Variants in MYO1D observed in about 807,000 individuals in gnomAD.
The protein encoded by MYO1D is myosin ID.
In MYO1D, 83 loss-of-function variants were observed where a neutral mutation model predicts 122.0. The observed-to-expected ratio is 0.68, with a 90% CI of 0.57 to 0.82. MYO1D has a LOEUF of 0.82. MYO1D is among the 40% of genes least tolerant of loss of function. The probability of loss-of-function intolerance (pLI) is 0.00; values close to 1 mark genes in which losing one functional copy is unlikely to be tolerated. For missense variants in MYO1D, 1,157 were observed against 1,269.5 expected (o/e 0.91, Z 1.35); for synonymous variants, 464 against 446.9 (o/e 1.04, Z -0.48).
intron 1 of MYO1D, among the ~76,000 whole-genome samples, chr17:32,802,531 G>C (rs987193849): frequency 4.6e-5 from 7 of 151,894 alleles, no homozygotes; most frequent in African/African-American, 1.7e-4. Flanking sequence ...AATCACTTAG[G>C]GAAGAAAAAT....
chr17:32,507,242 A>AAC (rs1371399710), intron 21 of MYO1D, among the ~76,000 whole-genome samples: 1 of 148,192 alleles, frequency 6.7e-6, no homozygotes, highest in African/African-American at 2.7e-5. Flanking sequence ...CTTTACAAAA[A>AAC]ATAAAAAAAA....
chr17:32,557,718 A>G (rs2087081000), intron 21 of MYO1D, among the ~76,000 whole-genome samples: 1 of 152,016 alleles, frequency 6.6e-6, no homozygotes, highest in Non-Finnish European at 1.5e-5. Context: ...AAGTCTTTCT[A>G]TAAGAGGAAA....
chr17:32,540,067 C>G (rs1471267199), intron 21 of MYO1D, among the ~76,000 whole-genome samples: 1 of 151,970 alleles, frequency 6.6e-6, no homozygotes, highest in Non-Finnish European at 1.5e-5. Context: ...GAAAAGAGGC[C>G]GGACACAGTG....
chr17:32,523,840 C>T (rs972314658), intron 21 of MYO1D, among the ~76,000 whole-genome samples: 16 of 150,004 alleles, frequency 1.1e-4, no homozygotes, highest in South Asian at 2.1e-4. Flanking sequence ...TGAGAGTGGT[C>T]GGGGCAAATC....
At chr17:32,496,865 G>A (rs189977120) in intron 21 of MYO1D, 1 of 152,456 alleles carries the variant, frequency 6.6e-6, no homozygotes, top group Admixed American at 6.5e-5. Context: ...TGGTGACTCA[G>A]TCTGAGGGAA....
At chr17:32,713,693 T>G (rs1404249578) in intron 15 of MYO1D, among the ~76,000 whole-genome samples, 1 of 152,160 alleles carries the variant, frequency 6.6e-6, no homozygotes, top group Non-Finnish European at 1.5e-5. Flanking sequence ...AGTGGTGCGA[T>G]CTCAGCTCAC....
intron 13 of MYO1D, 140 bp downstream of exon 13, chr17:32,745,071 T>A (rs1217987782): frequency 1.7e-6 from 1 of 593,774 alleles, no homozygotes; most frequent in East Asian, 3.2e-5. Flanking sequence ...GTTAGTTATA[T>A]GCTATTTATT....
chr17:32,737,073 A>C (rs998139354), intron 14 of MYO1D, among the ~76,000 whole-genome samples: 1 of 152,344 alleles, frequency 6.6e-6, no homozygotes, highest in Admixed American at 6.5e-5. Flanking sequence ...ATTTATCTAT[A>C]GTGAAGTAAC....
At chr17:32,575,966 C>G (rs1240044930) in intron 21 of MYO1D, among the ~76,000 whole-genome samples, 3 of 152,156 alleles carry the variant, frequency 2.0e-5, no homozygotes, top group Non-Finnish European at 4.4e-5. Flanking sequence ...ATGCCCTCAT[C>G]TAAGAGATGT....
intron 21 of MYO1D, among the ~76,000 whole-genome samples, chr17:32,527,838 CTT>C (rs35009377): frequency 0.62 from 83,330 of 134,822 alleles, 25,109 homozygotes; most frequent in African/African-American, 0.71. Flanking sequence ...AGCAAAACAA[CTT>C]TTTTTTTTTT....
intron 1 of MYO1D, among the ~76,000 whole-genome samples, chr17:32,802,478 C>T (rs2151044089): frequency 6.6e-6 from 1 of 152,088 alleles, no homozygotes; most frequent in South Asian, 2.1e-4. Flanking sequence ...TTAAATTTTC[C>T]CTTTCTCAAA....
intron 12 of MYO1D, 70 bp from the exon 13 acceptor site, chr17:32,745,355 A>G: frequency 2.1e-6 from 2 of 938,236 alleles, no homozygotes; most frequent in Non-Finnish European, 3.3e-6. Flanking sequence ...TTTTTCCAGG[A>G]GGCAACAAGC....
At chr17:32,811,447 G>A (rs1020259255) in intron 1 of MYO1D, among the ~76,000 whole-genome samples, 1 of 151,944 alleles carries the variant, frequency 6.6e-6, no homozygotes, top group African/African-American at 2.4e-5. Flanking sequence ...CCCAATCCTT[G>A]GTCTGAGTTG....
chr17:32,560,943 C>A (rs2087119805), intron 21 of MYO1D, among the ~76,000 whole-genome samples: 1 of 142,462 alleles, frequency 7.0e-6, no homozygotes, highest in East Asian at 2.1e-4. Context: ...GAGAGTCTTG[C>A]TCTTGCTGCC....
At chr17:32,788,533 CT>C (rs538159979) in intron 1 of MYO1D, among the ~76,000 whole-genome samples, 1 of 152,194 alleles carries the variant, frequency 6.6e-6, no homozygotes, top group African/African-American at 2.4e-5. Context: ...AATAGGGTGT[CT>C]TTTCCCCAGT....
chr17:32,503,865 C>T (rs1219587075), intron 21 of MYO1D, among the ~76,000 whole-genome samples: 3 of 152,326 alleles, frequency 2.0e-5, no homozygotes, highest in Non-Finnish European at 4.4e-5. Flanking sequence ...CTGCTGATGT[C>T]AAACCACACA....
At chr17:32,848,781 T>C (rs1477163696) in intron 1 of MYO1D, among the ~76,000 whole-genome samples, 3 of 152,116 alleles carry the variant, frequency 2.0e-5, no homozygotes, top group South Asian at 4.1e-4. Context: ...CTTCTTGCCA[T>C]AGTAGGTAGC....
Position 32,515,965 on chromosome 17 carries a change from G to T in MYO1D, c.2865-21050C>A, listed in dbSNP as rs1909877020. On this transcript the variant is annotated intron_variant, in intron 21 of 21. Coordinates refer to ENST00000318217, the MANE Select transcript of MYO1D (RefSeq NM_015194.3). ...CTCCACTGCTCAGATGCTTCTGATG[G>T]AAAGTCTACCCCCTGCTCCGATACA... Among the ~76,000 whole-genome samples the T allele has an allele frequency of 2.0e-5, 3 of 152,146 alleles. No homozygotes were observed. In the South Asian group the frequency reaches 6.2e-4, roughly 32 times the overall value.
intron 16 of MYO1D, among the ~76,000 whole-genome samples, chr17:32,693,338 T>A (rs2089129159): frequency 6.8e-6 from 1 of 147,834 alleles, no homozygotes. Flanking sequence ...GGGTTATGAG[T>A]GACAAGTCTC....
Sources: gnomAD v4.1 joint callset for allele counts (sites outside exome capture counted in the v4.1 genomes callset) on GRCh38, gnomAD v4.1.1 for gene constraint, MANE v1.5 for transcripts, NCBI Gene and HGNC (gene_info 2026-07-23, HGNC 2026-07-21) for gene names.